Variants in CACNA2D3 observed in about 807,000 individuals in gnomAD.
CACNA2D3 encodes the protein calcium voltage-gated channel auxiliary subunit alpha2delta 3.
Under a neutral mutation model 160.6 loss-of-function variants are expected in CACNA2D3, and 60 were observed. The observed-to-expected ratio is 0.37, with a 90% CI of 0.30 to 0.46. CACNA2D3 has a LOEUF of 0.46. CACNA2D3 is among the 20% of genes least tolerant of loss of function. The pLI, the probability that CACNA2D3 is intolerant of heterozygous loss-of-function variation, is 1.00. For synonymous variants in CACNA2D3, 558 were observed against 492.9 expected (o/e 1.13, Z -1.75); for missense variants, 1,205 against 1,365.0 (o/e 0.88, Z 1.85).
At chr3:54,352,931 A>C (rs1482657281) in intron 3 of CACNA2D3, among the ~76,000 whole-genome samples, 3 of 152,216 alleles carry the variant, frequency 2.0e-5, no homozygotes, top group Non-Finnish European at 4.4e-5. Flanking sequence ...GTTTCCATAC[A>C]GGCGTGCAGT....
intron 2 of CACNA2D3, among the ~76,000 whole-genome samples, chr3:54,259,754 A>C (rs967510581): frequency 6.6e-6 from 1 of 152,232 alleles, no homozygotes; most frequent in Non-Finnish European, 1.5e-5. Flanking sequence ...TACAAAATTA[A>C]ACGTCCATTT....
intron 8 of CACNA2D3, among the ~76,000 whole-genome samples, chr3:54,574,368 A>G (rs1702548774): frequency 6.6e-6 from 1 of 152,146 alleles, no homozygotes; most frequent in Non-Finnish European, 1.5e-5. Flanking sequence ...TCGGTTTTGC[A>G]GGTTTTATTA....
chr3:54,687,307 ATTT>A (rs35541501), intron 11 of CACNA2D3, among the ~76,000 whole-genome samples: 4 of 127,994 alleles, frequency 3.1e-5, no homozygotes, highest in Non-Finnish European at 4.9e-5. Flanking sequence ...AGCCTGGCTA[ATTT>A]TTTTTTTTTT....
intron 2 of CACNA2D3, among the ~76,000 whole-genome samples, chr3:54,194,824 G>A (rs1437495106): frequency 6.6e-6 from 1 of 152,156 alleles, no homozygotes; most frequent in Non-Finnish European, 1.5e-5. Context: ...AAGCCCTCAT[G>A]ATTTAATCAC....
At chr3:54,527,436 T>A (rs1701742836) in intron 5 of CACNA2D3, among the ~76,000 whole-genome samples, 3 of 152,152 alleles carry the variant, frequency 2.0e-5, no homozygotes, top group Admixed American at 2.0e-4. Context: ...TCTCTCTTAG[T>A]GACATGTATG....
chr3:54,778,324 G>A (rs184474437), intron 13 of CACNA2D3, among the ~76,000 whole-genome samples: 92 of 151,868 alleles, frequency 6.1e-4, no homozygotes, highest in Admixed American at 1.4e-3. Flanking sequence ...ATTCCGTGCC[G>A]CCATCCTCCA....
At position 54,412,172 on chromosome 3, in the gene CACNA2D3, C is replaced by T. The variant is rs527343702; in HGVS notation, c.381+25398C>T. ...ATTCGTCCACAGTGTTGGATGAATTCTTTCTTCTTTTCTGATGTAAACATT... is the reference window on the plus strand; with the variant it reads ...ATTCGTCCACAGTGTTGGATGAATTTTTTCTTCTTTTCTGATGTAAACATT... On this transcript the variant is annotated intron_variant, in intron 4 of 37. Coordinates refer to ENST00000474759, the MANE Select transcript of CACNA2D3 (RefSeq NM_018398.3). Among the ~76,000 whole-genome samples, 3 of 152,144 alleles carry T rather than the reference C, an allele frequency of 2.0e-5. No individual in the cohort carries two copies. In the East Asian group the frequency reaches 5.8e-4, roughly 29 times the overall value.
chr3:54,772,854 T>C (rs988621488), intron 13 of CACNA2D3, among the ~76,000 whole-genome samples: 1 of 152,174 alleles, frequency 6.6e-6, no homozygotes, highest in Non-Finnish European at 1.5e-5. Flanking sequence ...AGCTTGGGAA[T>C]GCTATTCAAC....
intron 5 of CACNA2D3, among the ~76,000 whole-genome samples, chr3:54,519,003 AG>A: frequency 7.1e-5 from 1 of 14,094 alleles, no homozygotes; most frequent in East Asian, 3.1e-3. Flanking sequence ...AGAACCTCAC[AG>A]GGTGTGGGGG....
At chr3:54,434,298 G>A (rs530508799) in intron 4 of CACNA2D3, among the ~76,000 whole-genome samples, 4 of 152,296 alleles carry the variant, frequency 2.6e-5, no homozygotes, top group East Asian at 1.9e-4. Flanking sequence ...GACTGAATAC[G>A]GCGATGAAAG....
chr3:54,744,471 G>A (rs1701712158), intron 11 of CACNA2D3, among the ~76,000 whole-genome samples: 1 of 152,150 alleles, frequency 6.6e-6, no homozygotes, highest in Admixed American at 6.5e-5. Flanking sequence ...GTCAGAGGTA[G>A]GAGAAGGTTT....
intron 5 of CACNA2D3, among the ~76,000 whole-genome samples, chr3:54,520,380 A>C (rs997731114): frequency 1.4e-4 from 21 of 152,182 alleles, no homozygotes; most frequent in African/African-American, 4.6e-4. Context: ...TCACACAGCT[A>C]ATTTCTGGAT....
At chr3:54,726,532 C>G (rs1355092874) in intron 11 of CACNA2D3, among the ~76,000 whole-genome samples, 8 of 152,134 alleles carry the variant, frequency 5.3e-5, no homozygotes, top group African/African-American at 1.9e-4. Context: ...CTACAGTAAC[C>G]AAAACAGCAT....
chr3:54,799,062 C>G (rs972432659), intron 13 of CACNA2D3, among the ~76,000 whole-genome samples: 3 of 152,118 alleles, frequency 2.0e-5, no homozygotes, highest in Non-Finnish European at 4.4e-5. Context: ...GTTTGGTGTT[C>G]TGGTTACCAA....
intron 11 of CACNA2D3, among the ~76,000 whole-genome samples, chr3:54,752,229 T>A (rs1185990807): frequency 6.6e-6 from 1 of 152,188 alleles, no homozygotes; most frequent in African/African-American, 2.4e-5. Flanking sequence ...AAGAGCACAC[T>A]CTGCATTTCC....
At chr3:54,933,142 A>G (rs1701245034) in intron 27 of CACNA2D3, among the ~76,000 whole-genome samples, 2 of 145,730 alleles carry the variant, frequency 1.4e-5, no homozygotes, top group Non-Finnish European at 3.0e-5. Flanking sequence ...CTTTGGATTT[A>G]CTATCCTATA....
At chr3:54,326,633 T>C (rs1704126843) in intron 3 of CACNA2D3, among the ~76,000 whole-genome samples, 1 of 152,244 alleles carries the variant, frequency 6.6e-6, no homozygotes, top group African/African-American at 2.4e-5. Context: ...GAAAGGTTCT[T>C]AAGACAGAAC....
chr3:54,810,916 G>T (rs891180325), intron 13 of CACNA2D3, among the ~76,000 whole-genome samples: 3 of 152,124 alleles, frequency 2.0e-5, no homozygotes, highest in African/African-American at 7.2e-5. Context: ...ACCTTTATCA[G>T]GGCCTCAGAT....
intron 27 of CACNA2D3, chr3:54,928,222 C>T: frequency 2.4e-6 from 1 of 417,264 alleles, no homozygotes; most frequent in Non-Finnish European, 4.2e-6. Context: ...AGACGATGAG[C>T]CGCGTAAAGA....
Sources: allele counts gnomAD v4.1 joint callset (sites outside exome capture counted in the v4.1 genomes callset), GRCh38; gene constraint gnomAD v4.1.1; transcripts MANE v1.5; gene names NCBI Gene and HGNC (gene_info 2026-07-23, HGNC 2026-07-21).